The following GAREM1 variants were observed in gnomAD, a reference collection of about 807,000 sequenced individuals.
GAREM1 encodes the protein GRB2 associated regulator of MAPK1 subtype 1, also known as GRB2-associated and regulator of MAPK protein 1.
In GAREM1, 26 loss-of-function variants were observed where a neutral mutation model predicts 71.3. The ratio of observed to expected loss-of-function variants is 0.36; its 90% CI spans 0.27 to 0.51. GAREM1 has a LOEUF of 0.51. Among genes scored for constraint, GAREM1 ranks in the 20% least tolerant of loss-of-function variants. The pLI is 0.95. For missense variants in GAREM1, 1,026 were observed against 1,103.1 expected (o/e 0.93, Z 0.99); for synonymous variants, 440 against 433.2 (o/e 1.02, Z -0.20).
At chr18:32,330,181 C>T (rs677721) in intron 2 of GAREM1, among the ~76,000 whole-genome samples, 2 of 151,998 alleles carry the variant, frequency 1.3e-5, no homozygotes, top group South Asian at 2.1e-4. Context: ...CAGCCATAAA[C>T]GAGAACAAAT....
At position 32,364,011 on chromosome 18, in the gene GAREM1, T is replaced by TATATATATATAC. The variant is rs2047897086; in HGVS notation, c.262+28883_262+28884insGTATATATATAT. ...ACATATATACATATATATATATATA[T>TATATATATATAC]ATATATATATATATATGTTTTTTTT... On this transcript the variant is annotated intron_variant, in intron 2 of 5. Transcript: ENST00000269209. 7.0e-5 allele frequency among the ~76,000 whole-genome samples: 4 copies of TATATATATATAC among 57,498 alleles called. No individual in the cohort carries two copies. In the South Asian group the frequency reaches 2.5e-3, roughly 36 times the overall value. 37.7% of individuals were successfully genotyped at this position (57,498 alleles called of 152,430 possible).
At position 32,470,173 on chromosome 18, in the gene GAREM1, C is replaced by G; in HGVS notation, c.121+135G>C. ...AGCAACGCGCCAGGGCTGCGGCAGC[C>G]GCTCGGGCCAACTCCGGCGCTCAGG... On this transcript the variant is annotated intron_variant, in intron 1 of 5. Transcript: ENST00000269209. This position sits in a 1 kb window ranked among gnomAD's most constrained non-coding sequence, Gnocchi z 4.4. 1 of 1,146,070 alleles carries G rather than the reference C, an allele frequency of 8.7e-7. No homozygotes were observed. Among genetic ancestry groups the G allele is most frequent in the Non-Finnish European group, 1.1e-6 (1 of 894,512 alleles). The allele number at this position is 1,146,070 out of a possible 1,614,324, so 71.0% of individuals were successfully genotyped here.
In GAREM1 at chr18:32,344,208, T is replaced by C. The variant is rs937271959; in HGVS notation, c.263-33885A>G. Among the ~76,000 whole-genome samples, 6 of 152,194 alleles carry C rather than the reference T, an allele frequency of 3.9e-5. No homozygotes were observed. In the South Asian group the frequency reaches 6.2e-4, roughly 16 times the overall value. On this transcript the variant is annotated intron_variant, in intron 2 of 5. Coordinates refer to ENST00000269209, the MANE Select transcript of GAREM1 (RefSeq NM_001242409.2). Reference sequence around the variant, plus strand: ...CAACTGTAGGCTGTTTCTTTAGGAATTGATCTCTTTTTGGACCCAGATACT... The same window carrying C: ...CAACTGTAGGCTGTTTCTTTAGGAACTGATCTCTTTTTGGACCCAGATACT...
At chr18:32,273,704 T>C (rs766494892) in intron 4 of GAREM1, among the ~76,000 whole-genome samples, 19 of 145,264 alleles carry the variant, frequency 1.3e-4, no homozygotes, top group Non-Finnish European at 2.6e-4. Context: ...AAAGAACTAA[T>C]GTGTGTGTGT....
rs2048787543 is a variant in GAREM1 at position 32,446,483 on chromosome 18, A to G, written c.121+23825T>C. Among the ~76,000 whole-genome samples, 6 of 152,190 alleles carry G rather than the reference A, an allele frequency of 3.9e-5. No homozygotes were observed. The South Asian group carries it at 1.2e-3, about 32-fold the overall frequency. On this transcript the variant is annotated intron_variant, in intron 1 of 5. Coordinates refer to ENST00000269209, the MANE Select transcript of GAREM1 (RefSeq NM_001242409.2). ...AATCTAAGAGGGCATAAGAAATGCA[A>G]GCTGGACTATCCTGACCAAACCAGG... is the stretch of plus-strand genomic sequence containing the variant.
chr18:32,358,258 C>G (rs1323740351), intron 2 of GAREM1, among the ~76,000 whole-genome samples: 1 of 152,002 alleles, frequency 6.6e-6, no homozygotes, highest in African/African-American at 2.4e-5. Context: ...GACTCCCAGT[C>G]TGCCATGCAG....
In GAREM1 at chr18:32,389,718, CAT is replaced by C. The variant is rs2048178164; in HGVS notation, c.262+3175_262+3176del. 3.3e-5 allele frequency among the ~76,000 whole-genome samples: 5 copies of C among 152,230 alleles called. No individual in the cohort carries two copies. In the East Asian group the frequency reaches 9.6e-4, roughly 29 times the overall value. On this transcript the variant is annotated intron_variant, in intron 2 of 5. Transcript: ENST00000269209. Reference sequence around the variant, plus strand: ...CTAGAGCACAAATAAGCTAGGGAGACATAAATGATTTTTGGTCTCCACAATGT... The same window carrying C: ...CTAGAGCACAAATAAGCTAGGGAGACAAATGATTTTTGGTCTCCACAATGT...
chr18:32,315,438 A>T (rs1243781173), intron 2 of GAREM1, among the ~76,000 whole-genome samples: 2 of 147,516 alleles, frequency 1.4e-5, no homozygotes, highest in African/African-American at 4.9e-5. Flanking sequence ...GTATATATAA[A>T]AAAATATATA....
intron 2 of GAREM1, among the ~76,000 whole-genome samples, chr18:32,345,278 A>G (rs1298254999): frequency 6.6e-6 from 1 of 152,206 alleles, no homozygotes; most frequent in Non-Finnish European, 1.5e-5. Context: ...TATGTACTAG[A>G]AAGACCACTG....
intron 2 of GAREM1, among the ~76,000 whole-genome samples, chr18:32,382,484 A>G (rs975548008): frequency 6.6e-6 from 1 of 152,130 alleles, no homozygotes; most frequent in Non-Finnish European, 1.5e-5. Context: ...AGCAACAACC[A>G]ACAACCTGGT....
chr18:32,279,551 T>C (rs1268546899), intron 4 of GAREM1, among the ~76,000 whole-genome samples: 4 of 152,170 alleles, frequency 2.6e-5, no homozygotes, highest in African/African-American at 7.2e-5. Flanking sequence ...CACCCCCAGA[T>C]AGGACCATCC....
At chr18:32,390,875 T>C (rs554384524) in intron 2 of GAREM1, among the ~76,000 whole-genome samples, 114 of 152,278 alleles carry the variant, frequency 7.5e-4, no homozygotes, top group Non-Finnish European at 1.4e-3. Context: ...CTTCTGGAGG[T>C]AGGACCCCAC....
intron 2 of GAREM1, among the ~76,000 whole-genome samples, chr18:32,356,621 A>G (rs983327263): frequency 1.3e-5 from 2 of 152,186 alleles, no homozygotes; most frequent in African/African-American, 2.4e-5. Context: ...CAGATACTGT[A>G]CAAGTGTCTT....
intron 1 of GAREM1, among the ~76,000 whole-genome samples, chr18:32,408,348 T>C (rs1173878345): frequency 6.6e-6 from 1 of 152,206 alleles, no homozygotes; most frequent in Non-Finnish European, 1.5e-5. Flanking sequence ...GTTAAATTCG[T>C]ATATATTATA....
At chr18:32,296,271 T>C (rs934982076) in intron 3 of GAREM1, among the ~76,000 whole-genome samples, 8 of 152,288 alleles carry the variant, frequency 5.3e-5, no homozygotes, top group East Asian at 1.9e-4. Flanking sequence ...AGCTTTTTAT[T>C]TGGAATAATC....
At chr18:32,330,121 G>A (rs943043286) in intron 2 of GAREM1, among the ~76,000 whole-genome samples, 1 of 152,168 alleles carries the variant, frequency 6.6e-6, no homozygotes, top group Non-Finnish European at 1.5e-5. Context: ...GCCCATCGAT[G>A]ATGGACTGTA....
chr18:32,323,387 T>G (rs1254622927), intron 2 of GAREM1, among the ~76,000 whole-genome samples: 1 of 152,252 alleles, frequency 6.6e-6, no homozygotes. Context: ...GGAAGGCTAC[T>G]CTTTACAGCT....
chr18:32,458,269 T>G (rs573421376), intron 1 of GAREM1, among the ~76,000 whole-genome samples: 14 of 152,190 alleles, frequency 9.2e-5, no homozygotes, highest in African/African-American at 3.4e-4. Context: ...TTATCAACAA[T>G]GAAGTCATCT....
At chr18:32,463,418 G>A (rs930455467) in intron 1 of GAREM1, among the ~76,000 whole-genome samples, 3 of 151,746 alleles carry the variant, frequency 2.0e-5, no homozygotes, top group African/African-American at 7.3e-5. Flanking sequence ...GTGGGTCTAG[G>A]TTTATCACTG....
Sources: allele counts gnomAD v4.1 joint callset (sites outside exome capture counted in the v4.1 genomes callset), GRCh38; gene constraint gnomAD v4.1.1; non-coding constraint Gnocchi (gnomAD v3.1); transcripts MANE v1.5; gene names NCBI Gene and HGNC (gene_info 2026-07-23, HGNC 2026-07-21).